Variants in NOL4 observed in about 807,000 individuals in gnomAD.
NOL4 encodes the protein cancer/testis antigen 125.
A neutral mutation model predicts 75.9 loss-of-function variants in NOL4; 17 were observed. The ratio of observed to expected loss-of-function variants is 0.22; its 90% CI spans 0.15 to 0.34. The LOEUF (loss-of-function observed/expected upper bound fraction) is 0.34. NOL4 is among the 10% of genes least tolerant of loss of function. The pLI is 1.00. For synonymous variants in NOL4, 292 were observed against 289.9 expected, an observed-to-expected ratio of 1.01 and a Z score of -0.07; for missense variants, 614 against 793.5, an observed-to-expected ratio of 0.77 and a Z score of 2.72.
chr18:34,150,383 C>A (rs1055591931), intron 1 of NOL4, among the ~76,000 whole-genome samples: 1 of 151,616 alleles, frequency 6.6e-6, no homozygotes, highest in African/African-American at 2.4e-5. Context: ...GTATTGGCAA[C>A]AGAACAAACG....
chr18:33,935,679 T>C (rs36126287), intron 9 of NOL4, among the ~76,000 whole-genome samples: 31,161 of 152,112 alleles, frequency 0.2, 3,841 homozygotes, highest in East Asian at 0.4. Context: ...GCTGACAGAC[T>C]TGCTCACAAG....
At chr18:34,088,313 T>C (rs957639283) in intron 5 of NOL4, among the ~76,000 whole-genome samples, 5 of 152,096 alleles carry the variant, frequency 3.3e-5, no homozygotes, top group Admixed American at 2.0e-4. Flanking sequence ...TCAGCTGTTT[T>C]AGAAGGTACA....
intron 1 of NOL4, among the ~76,000 whole-genome samples, chr18:34,135,362 T>G (rs2080843882): frequency 6.6e-6 from 1 of 151,892 alleles, no homozygotes; most frequent in Non-Finnish European, 1.5e-5. Flanking sequence ...GACAAAAAAT[T>G]TATAGGCCTA....
intron 2 of NOL4, among the ~76,000 whole-genome samples, chr18:34,122,036 CTATTGA>C (rs2080166747): frequency 6.6e-6 from 1 of 152,132 alleles, no homozygotes; most frequent in Admixed American, 6.5e-5. Flanking sequence ...TATGTATTAT[CTATTGA>C]TAAGAAAAAG....
At chr18:33,909,334 T>C (rs2066252850) in intron 9 of NOL4, among the ~76,000 whole-genome samples, 2 of 152,174 alleles carry the variant, frequency 1.3e-5, no homozygotes, top group Admixed American at 1.3e-4. Flanking sequence ...GTTTATGACT[T>C]TATCTACCAC....
chr18:34,200,683 A>T (rs1336307054), intron 1 of NOL4, among the ~76,000 whole-genome samples: 1 of 151,810 alleles, frequency 6.6e-6, no homozygotes, highest in Non-Finnish European at 1.5e-5. Flanking sequence ...CAATCAATGC[A>T]GGGCATACAC....
At chr18:33,999,124 T>C (rs1227900858) in intron 6 of NOL4, among the ~76,000 whole-genome samples, 3 of 152,032 alleles carry the variant, frequency 2.0e-5, no homozygotes, top group Non-Finnish European at 4.4e-5. Context: ...ACACTTTTTT[T>C]TGATACAGAT....
chr18:33,878,914 C>G (rs867090575), intron 10 of NOL4, among the ~76,000 whole-genome samples: 1 of 152,066 alleles, frequency 6.6e-6, no homozygotes, highest in Admixed American at 6.6e-5. Context: ...TTGCTTTTAA[C>G]CACAATATAT....
At chr18:34,209,210 A>G (rs60452046) in intron 1 of NOL4, among the ~76,000 whole-genome samples, 1 of 151,304 alleles carries the variant, frequency 6.6e-6, no homozygotes, top group African/African-American at 2.4e-5. Context: ...AAAAAAAAAA[A>G]AAAAGAAATA....
At chr18:33,982,165 T>C (rs576773439) in intron 6 of NOL4, among the ~76,000 whole-genome samples, 2 of 151,834 alleles carry the variant, frequency 1.3e-5, no homozygotes, top group South Asian at 4.2e-4. Flanking sequence ...ACAAAGGCAA[T>C]GAATAGAAAA....
intron 1 of NOL4, among the ~76,000 whole-genome samples, chr18:34,179,136 G>A (rs1351319510): frequency 6.6e-6 from 1 of 151,504 alleles, no homozygotes; most frequent in Non-Finnish European, 1.5e-5. Context: ...AATACTCTGA[G>A]ATGAATGAAA....
At chr18:33,864,314 G>A (rs2063325563) in intron 10 of NOL4, among the ~76,000 whole-genome samples, 4 of 152,120 alleles carry the variant, frequency 2.6e-5, no homozygotes, top group Admixed American at 2.0e-4. Flanking sequence ...CTCATTGTGA[G>A]ACTGCAAAAT....
chr18:34,075,840 A>C (rs1171241211), intron 5 of NOL4, among the ~76,000 whole-genome samples: 1 of 152,156 alleles, frequency 6.6e-6, no homozygotes, highest in Non-Finnish European at 1.5e-5. Context: ...TTTGTATATG[A>C]GTTGTATGTG....
intron 6 of NOL4, among the ~76,000 whole-genome samples, chr18:33,963,920 G>A (rs1412050816): frequency 2.0e-5 from 3 of 152,116 alleles, no homozygotes; most frequent in African/African-American, 4.8e-5. Context: ...ACACAGCTGC[G>A]GTTGGGAGCT....
intron 1 of NOL4, among the ~76,000 whole-genome samples, chr18:34,168,913 GA>G (rs1328615081): frequency 2.0e-5 from 3 of 151,668 alleles, no homozygotes; most frequent in Non-Finnish European, 4.4e-5. Flanking sequence ...AGAATACAAA[GA>G]ATGCGATATT....
rs1368410900 is a variant in NOL4 at position 33,943,137 on chromosome 18, C to G, written c.1470G>C (p.Glu490Asp). The G allele has an allele frequency of 6.2e-7, 1 of 1,611,062 alleles. No individual in the cohort carries two copies. Among genetic ancestry groups the G allele is most frequent in the Non-Finnish European group, 8.5e-7 (1 of 1,178,624 alleles). ...TCTCACAAGCTGAAGCCAAGATACT[C>G]TCTGCAACTGCTGAAGTAAGGTGGG... The part of the protein sequence containing the change: ...IPSHLTSAVA[E>D]SILASACESE... The change falls in exon 9 of 11, where the codon GAG (glutamate) becomes GAC (aspartate). Residue 490 changes from glutamate (E) to aspartate (D), a missense_variant. Around this residue, in one of 9 missense-constraint regions of NOL4, gnomAD observed 52 missense variants for 121.1 expected, o/e 0.43. Transcript: ENST00000261592.
intron 5 of NOL4, among the ~76,000 whole-genome samples, chr18:34,036,756 T>C (rs1419546745): frequency 6.6e-6 from 1 of 152,088 alleles, no homozygotes; most frequent in African/African-American, 2.4e-5. Flanking sequence ...AATCCCCGTC[T>C]CTACTAAAAA....
At chr18:34,203,735 A>T (rs2035924626) in intron 1 of NOL4, among the ~76,000 whole-genome samples, 1 of 149,522 alleles carries the variant, frequency 6.7e-6, no homozygotes, top group Non-Finnish European at 1.5e-5. Context: ...ACACACACAC[A>T]CACACACACA....
chr18:33,930,315 A>G (rs12958691), intron 9 of NOL4, among the ~76,000 whole-genome samples: 2 of 152,150 alleles, frequency 1.3e-5, no homozygotes, highest in Non-Finnish European at 2.9e-5. Context: ...TGTTATTATA[A>G]CCATTCCCAG....
Sources: gnomAD v4.1 joint callset for allele counts (sites outside exome capture counted in the v4.1 genomes callset) on GRCh38, gnomAD v4.1.1 for gene constraint, gnomAD v4.1.1 regional missense constraint, MANE v1.5 for transcripts, NCBI Gene and HGNC (gene_info 2026-07-23, HGNC 2026-07-21) for gene names.